SUGCT: variants seen among roughly 807,000 people sequenced by gnomAD.
The protein encoded by SUGCT is succinyl-CoA:glutarate CoA-transferase.
Under a neutral mutation model 55.0 loss-of-function variants are expected in SUGCT, and 41 were observed. The ratio of observed to expected loss-of-function variants is 0.74; its 90% CI spans 0.58 to 0.97. The LOEUF (loss-of-function observed/expected upper bound fraction) is 0.97, where lower values mean the gene tolerates loss of function less well. Among genes scored for constraint, SUGCT ranks in the 50% least tolerant of loss-of-function variants. The pLI is 0.00. For missense variants in SUGCT, 568 were observed against 547.8 expected (o/e 1.04, Z -0.37); for synonymous variants, 187 against 200.4 (o/e 0.93, Z 0.56).
intron 7 of SUGCT, among the ~76,000 whole-genome samples, chr7:40,253,584 G>T (rs1790589279): frequency 6.6e-6 from 1 of 151,406 alleles, no homozygotes; most frequent in Non-Finnish European, 1.5e-5. Context: ...TTTTTTTGAG[G>T]CGGAGCCTCG....
chr7:40,197,578 C>T (rs1786361029), intron 6 of SUGCT, among the ~76,000 whole-genome samples: 1 of 152,194 alleles, frequency 6.6e-6, no homozygotes, highest in Non-Finnish European at 1.5e-5. Context: ...CCACCAAATG[C>T]ATCTCCCCTC....
At chr7:40,163,474 G>A (rs190753390) in intron 1 of SUGCT, among the ~76,000 whole-genome samples, 14 of 151,960 alleles carry the variant, frequency 9.2e-5, no homozygotes, top group South Asian at 2.1e-4. Context: ...GCGTGGTGGC[G>A]CGCACCTGTA....
At chr7:40,845,551 G>C (rs1380615602) in intron 13 of SUGCT, among the ~76,000 whole-genome samples, 1 of 152,204 alleles carries the variant, frequency 6.6e-6, no homozygotes, top group East Asian at 1.9e-4. Context: ...AGATAGGACT[G>C]TGGGGCTAGC....
the SUGCT span, among the ~76,000 whole-genome samples, chr7:40,877,606 C>T: frequency 6.6e-6 from 1 of 152,206 alleles, no homozygotes; most frequent in Non-Finnish European, 1.5e-5. Flanking sequence ...GGGAACTTCT[C>T]TAGCTAATTT....
intron 9 of SUGCT, among the ~76,000 whole-genome samples, chr7:40,366,175 A>G (rs572029174): frequency 4.3e-4 from 65 of 152,292 alleles, no homozygotes; most frequent in Non-Finnish European, 7.1e-4. Context: ...AGGATTCCCT[A>G]TTTAATAAAT....
At chr7:40,784,321 T>C (rs186937383) in intron 13 of SUGCT, among the ~76,000 whole-genome samples, 9 of 152,314 alleles carry the variant, frequency 5.9e-5, no homozygotes, top group Admixed American at 5.9e-4. Context: ...CCTATGATGG[T>C]GTCTCCCTTG....
chr7:40,691,090 A>T (rs1002506590), intron 12 of SUGCT, among the ~76,000 whole-genome samples: 15 of 152,184 alleles, frequency 9.9e-5, no homozygotes, highest in African/African-American at 3.6e-4. Context: ...GGGTCTTCCT[A>T]CTGTTGGAGA....
chr7:40,712,528 G>A (rs954673767), intron 12 of SUGCT, among the ~76,000 whole-genome samples: 3 of 152,198 alleles, frequency 2.0e-5, no homozygotes, highest in African/African-American at 7.2e-5. Context: ...CCTCTGTAGA[G>A]AAAAAGAGTT....
chr7:40,857,225 C>T (rs1794224288), intron 13 of SUGCT, among the ~76,000 whole-genome samples: 1 of 152,146 alleles, frequency 6.6e-6, no homozygotes, highest in Admixed American at 6.6e-5. Context: ...ATAATTCTGT[C>T]ATTTTCTACT....
At chr7:40,973,829 G>A in the SUGCT span, among the ~76,000 whole-genome samples, 1 of 152,106 alleles carries the variant, frequency 6.6e-6, no homozygotes, top group Admixed American at 6.5e-5. Flanking sequence ...TGACACCAAA[G>A]CATATAACCC....
At chr7:40,351,477 G>A (rs1242459471) in intron 9 of SUGCT, among the ~76,000 whole-genome samples, 1 of 152,018 alleles carries the variant, frequency 6.6e-6, no homozygotes, top group East Asian at 1.9e-4. Context: ...TTAGCAAAAT[G>A]TACTTATAAT....
At chr7:40,150,336 C>T (rs1304598907) in intron 1 of SUGCT, among the ~76,000 whole-genome samples, 3 of 152,176 alleles carry the variant, frequency 2.0e-5, no homozygotes, top group Non-Finnish European at 4.4e-5. Flanking sequence ...ACTCCTGGCT[C>T]ACTGGCTCCC....
the SUGCT span, among the ~76,000 whole-genome samples, chr7:41,000,930 A>G: frequency 1.3e-5 from 2 of 152,180 alleles, no homozygotes; most frequent in Non-Finnish European, 2.9e-5. Context: ...GTATATAGTC[A>G]TGCTACTTAC....
chr7:40,226,336 A>G (rs1192147789), intron 6 of SUGCT, among the ~76,000 whole-genome samples: 1 of 152,198 alleles, frequency 6.6e-6, no homozygotes, highest in Non-Finnish European at 1.5e-5. Flanking sequence ...GTTGTGGCAA[A>G]ACTTCTTTCC....
chr7:40,722,253 G>A (rs1192497776), intron 12 of SUGCT, among the ~76,000 whole-genome samples: 2 of 152,140 alleles, frequency 1.3e-5, no homozygotes, highest in Admixed American at 6.5e-5. Flanking sequence ...TGACAGCTGT[G>A]AAAACAAAGC....
chr7:40,519,758 GT>G (rs1253204967), intron 12 of SUGCT, among the ~76,000 whole-genome samples: 2 of 151,938 alleles, frequency 1.3e-5, no homozygotes, highest in African/African-American at 4.8e-5. Context: ...CTTATATTAA[GT>G]TAATAATTAA....
At chr7:40,830,008 C>T (rs918621664) in intron 13 of SUGCT, among the ~76,000 whole-genome samples, 3 of 152,176 alleles carry the variant, frequency 2.0e-5, no homozygotes, top group African/African-American at 7.2e-5. Flanking sequence ...AAAAGGACAA[C>T]AATTTGATTC....
At chr7:40,976,144 C>T in the SUGCT span, among the ~76,000 whole-genome samples, 5 of 152,140 alleles carry the variant, frequency 3.3e-5, no homozygotes, top group African/African-American at 1.2e-4. Flanking sequence ...GAAGAGGAGT[C>T]GTTGTGAACA....
rs1785649639 is a variant in SUGCT, at chr7:40,395,111, G to A, written c.817-54176G>A. Among the ~76,000 whole-genome samples the A allele has an allele frequency of 2.0e-5, 3 of 152,282 alleles. No individual in the cohort carries two copies. The South Asian group carries it at 6.2e-4, about 32-fold the overall frequency. ...TTATCTCATAGGCCAGGTAGGCACA[G>A]GGTGCAGTTTGCTCTGGATCCTTGC... On this transcript the variant is annotated intron_variant, in intron 9 of 13. Transcript: ENST00000335693.
Sources: gnomAD v4.1 joint callset for allele counts (sites outside exome capture counted in the v4.1 genomes callset) on GRCh38, gnomAD v4.1.1 for gene constraint, MANE v1.5 for transcripts, NCBI Gene and HGNC (gene_info 2026-07-23, HGNC 2026-07-21) for gene names.